The following SLC30A8 variants were observed in gnomAD, a reference collection of about 807,000 sequenced individuals.
SLC30A8 encodes solute carrier family 30 member 8, also known as proton-coupled zinc antiporter SLC30A8.
In SLC30A8, 27 loss-of-function variants were observed where a neutral mutation model predicts 36.9. The observed-to-expected ratio is 0.73, with a 90% confidence interval of 0.54 to 1.01. The LOEUF (loss-of-function observed/expected upper bound fraction) is 1.01, where lower values mean the gene tolerates loss of function less well. Among genes scored for constraint, SLC30A8 ranks in the 50% least tolerant of loss-of-function variants. SLC30A8 has a pLI of 0.00. For missense variants in SLC30A8, 439 were observed against 452.0 expected (o/e 0.97, Z 0.26); for synonymous variants, 164 against 172.4 (o/e 0.95, Z 0.38).
chr8:117,004,835 C>T (rs867959066), intron 1 of SLC30A8, among the ~76,000 whole-genome samples: 5 of 152,080 alleles, frequency 3.3e-5, no homozygotes, highest in African/African-American at 1.2e-4. Flanking sequence ...GTAGCAAATG[C>T]CATCTTTCGA....
chr8:117,059,130 A>G lies in SLC30A8; in HGVS notation c.-226+19872A>G, dbSNP rs1817957433. ...AGCCTTAATATCCAACAGCAGGGCTAACTTATTCCTAAATAGTTTGAATTT... is the reference window on the plus strand; with the variant it reads ...AGCCTTAATATCCAACAGCAGGGCTGACTTATTCCTAAATAGTTTGAATTT... On this transcript the variant is annotated intron_variant, in intron 2 of 10. Coordinates refer to the SLC30A8 transcript ENST00000427715. Among the ~76,000 whole-genome samples the G allele has an allele frequency of 1.3e-5, 2 of 152,196 alleles. 1 individual carries two copies. Among genetic ancestry groups the G allele is most frequent in the Non-Finnish European group, 2.9e-5 (2 of 68,038 alleles).
chr8:117,049,806 G>C (rs1193803604), intron 2 of SLC30A8, among the ~76,000 whole-genome samples: 2 of 151,984 alleles, frequency 1.3e-5, no homozygotes, highest in Non-Finnish European at 2.9e-5. Flanking sequence ...CACGAGAATG[G>C]CCCACAGTGA....
At chr8:116,956,435 C>G (rs1015707087) in intron 1 of SLC30A8, among the ~76,000 whole-genome samples, 1 of 152,032 alleles carries the variant, frequency 6.6e-6, no homozygotes, top group South Asian at 2.1e-4. Flanking sequence ...TCGATTTCAT[C>G]GAAAATGAAA....
At chr8:117,124,148 C>G (rs1189806010) in intron 2 of SLC30A8, among the ~76,000 whole-genome samples, 1 of 151,922 alleles carries the variant, frequency 6.6e-6, no homozygotes, top group Non-Finnish European at 1.5e-5. Context: ...GAGACTCATA[C>G]AGATTATTGT....
rs974907412 is a variant in SLC30A8 at position 117,161,846 on chromosome 8, G to C, written c.681G>C (p.Gln227His). The change falls in exon 5 of 8, where the codon CAG becomes CAC. Residue 227 changes from glutamine to histidine, a missense_variant. By Grantham distance (24) the Gln-to-His change is conservative. Transcript: ENST00000456015. ...AFVHALGDLF[Q>H]SISVLISALI... ...TGCATGCCCTTGGAGATCTATTTCA[G>C]AGTATCAGTGTGCTAATTAGTGCAC... 2.1e-5 allele frequency: 34 copies of C among 1,613,982 alleles called. No homozygotes were observed. The highest frequency in any genetic ancestry group is 2.9e-5 in the Non-Finnish European group (34 of 1,179,904).
chr8:116,977,972 G>T (rs1457683200), intron 1 of SLC30A8, among the ~76,000 whole-genome samples: 1 of 151,250 alleles, frequency 6.6e-6, no homozygotes, highest in Non-Finnish European at 1.5e-5. Context: ...CCTTCTGCTT[G>T]CTGGGAAATG....
At chr8:117,075,606 T>C (rs530750754) in intron 2 of SLC30A8, among the ~76,000 whole-genome samples, 1 of 152,322 alleles carries the variant, frequency 6.6e-6, no homozygotes, top group African/African-American at 2.4e-5. Context: ...TTTGGGTGAG[T>C]TTACAATTTT....
intron 2 of SLC30A8, among the ~76,000 whole-genome samples, chr8:117,115,890 C>A (rs1286203464): frequency 2.0e-5 from 3 of 151,970 alleles, no homozygotes; most frequent in African/African-American, 7.2e-5. Context: ...TGAGGGTGGG[C>A]TAACAGGAGG....
intron 1 of SLC30A8, among the ~76,000 whole-genome samples, chr8:117,143,770 T>C (rs184091731): frequency 1.3e-5 from 2 of 152,066 alleles, no homozygotes; most frequent in East Asian, 3.9e-4. Context: ...GGCTTAGTTC[T>C]TCAAGGAGCA....
At chr8:117,172,484 C>T (rs1395030542) in intron 7 of SLC30A8, 52 bp from the exon 8 acceptor site, 34 of 1,612,034 alleles carry the variant, frequency 2.1e-5, no homozygotes, top group Admixed American at 2.0e-4. Flanking sequence ...TCAGAGCAGT[C>T]GCCCATGCGT....
intron 1 of SLC30A8, among the ~76,000 whole-genome samples, chr8:116,962,671 A>C (rs1215491330): frequency 6.6e-6 from 1 of 152,054 alleles, no homozygotes; most frequent in East Asian, 1.9e-4. Context: ...TGTTGCTCTC[A>C]ATACATTTAT....
At chr8:117,079,688 A>G (rs1467625319) in intron 2 of SLC30A8, among the ~76,000 whole-genome samples, 2 of 152,232 alleles carry the variant, frequency 1.3e-5, no homozygotes, top group South Asian at 2.1e-4. Flanking sequence ...TTTCCAGACT[A>G]TGAAGCCCAG....
chr8:116,977,727 G>T (rs951748495), intron 1 of SLC30A8, among the ~76,000 whole-genome samples: 3 of 151,996 alleles, frequency 2.0e-5, no homozygotes, highest in Middle Eastern at 3.4e-3. Context: ...GGCCAAGATG[G>T]TCTCAATCTC....
intron 3 of SLC30A8, among the ~76,000 whole-genome samples, chr8:117,153,723 GGT>G (rs59464276): frequency 1.6e-3 from 230 of 146,710 alleles, no homozygotes; most frequent in Middle Eastern, 6.9e-3. Flanking sequence ...CATGATAAGG[GGT>G]GTGTGTGTGT....
chr8:117,093,588 CT>C (rs1183690233), intron 2 of SLC30A8, among the ~76,000 whole-genome samples: 1 of 152,040 alleles, frequency 6.6e-6, no homozygotes, highest in Admixed American at 6.6e-5. Flanking sequence ...ATTCACTCAA[CT>C]GTTTTTCTAC....
intron 1 of SLC30A8, among the ~76,000 whole-genome samples, chr8:116,970,738 C>G (rs1469977821): frequency 6.6e-6 from 1 of 152,156 alleles, no homozygotes; most frequent in Non-Finnish European, 1.5e-5. Context: ...TATAAAATCA[C>G]TTAGAACAAA....
chr8:117,164,782 C>A (rs1027180701), intron 6 of SLC30A8, among the ~76,000 whole-genome samples: 4 of 151,960 alleles, frequency 2.6e-5, no homozygotes, highest in Non-Finnish European at 5.9e-5. Context: ...CTCTTAGCCC[C>A]GAGTAGGATC....
At chr8:117,134,958 C>T (rs751172005), upstream of SLC30A8, 1 of 166,792 alleles carries the variant, frequency 6.0e-6, no homozygotes, top group East Asian at 1.6e-4. Context: ...CCCACGTGTG[C>T]TCCGAAGGTC....
chr8:117,163,084 G>A (rs1187134521), intron 5 of SLC30A8, among the ~76,000 whole-genome samples: 1 of 152,212 alleles, frequency 6.6e-6, no homozygotes, highest in Non-Finnish European at 1.5e-5. Flanking sequence ...GGGCATATTT[G>A]TGCATACTTT....
Sources: gnomAD v4.1 joint callset for allele counts (sites outside exome capture counted in the v4.1 genomes callset) on GRCh38, gnomAD v4.1.1 for gene constraint, MANE v1.5 for transcripts, NCBI Gene and HGNC (gene_info 2026-07-23, HGNC 2026-07-21) for gene names.